The following CCL26 variants were observed in gnomAD, a reference collection of about 807,000 sequenced individuals.
CCL26 encodes the protein C-C motif chemokine ligand 26.
In CCL26, 10 loss-of-function variants were observed where a neutral mutation model predicts 10.7. The ratio of observed to expected loss-of-function variants is 0.93; its 90% CI spans 0.57 to 1.58. The LOEUF (loss-of-function observed/expected upper bound fraction) is 1.58, where lower values mean the gene tolerates loss of function less well. Ranked by LOEUF, CCL26 falls within the 40% of genes most tolerant of loss-of-function variation. The pLI is 0.00. For synonymous variants in CCL26, 43 were observed against 41.4 expected (o/e 1.04, Z -0.15); for missense variants, 116 against 111.0 (o/e 1.05, Z -0.20).
chr7:75,779,882 C>A (rs1239579235), intron 1 of CCL26, among the ~76,000 whole-genome samples: 1 of 152,068 alleles, frequency 6.6e-6, no homozygotes, highest in African/African-American at 2.4e-5. Context: ...TCCTGGAGGG[C>A]AAGCCCCTCC....
intron 1 of CCL26, among the ~76,000 whole-genome samples, chr7:75,785,137 C>T (rs1380917348): frequency 1.3e-5 from 2 of 152,128 alleles, no homozygotes; most frequent in African/African-American, 4.8e-5. Context: ...GTCCTCAATA[C>T]CTTCCTCCAC....
chr7:75,786,647 C>T (rs7790024), intron 1 of CCL26, among the ~76,000 whole-genome samples: 4,731 of 152,250 alleles, frequency 0.031, 94 homozygotes, highest in Middle Eastern at 0.082. Context: ...CTCAGGGCAA[C>T]GCTTATGCTG....
upstream of CCL26, among the ~76,000 whole-genome samples, chr7:75,775,583 C>T (rs1471359605): frequency 2.6e-5 from 4 of 152,040 alleles, no homozygotes; most frequent in African/African-American, 4.8e-5. Context: ...GCTGGCTTAG[C>T]GGGTGGGTCA....
At chr7:75,774,205 T>C (rs1254500084), upstream of CCL26, among the ~76,000 whole-genome samples, 1 of 152,166 alleles carries the variant, frequency 6.6e-6, no homozygotes, top group Non-Finnish European at 1.5e-5. Flanking sequence ...GCTGGAGTGC[T>C]ATGGCACAAT....
At chr7:75,789,355 G>T (rs1424978819) in intron 1 of CCL26, among the ~76,000 whole-genome samples, 2 of 151,768 alleles carry the variant, frequency 1.3e-5, no homozygotes, top group Non-Finnish European at 1.5e-5. Flanking sequence ...ATGTAATATG[G>T]GAGCCATGGC....
intron 1 of CCL26, among the ~76,000 whole-genome samples, chr7:75,779,684 G>C (rs377712262): frequency 5.3e-5 from 8 of 152,232 alleles, no homozygotes; most frequent in African/African-American, 1.9e-4. Context: ...ACGCGGGGAC[G>C]CGTGCCTGAT....
upstream of CCL26, chr7:75,772,222 T>C (rs369306388): frequency 1.4e-6 from 2 of 1,393,744 alleles, no homozygotes; most frequent in African/African-American, 1.4e-5. Context: ...AAACTCCTCC[T>C]GCCTGATCCC....
At chr7:75,783,284 G>C (rs1775410199) in intron 1 of CCL26, among the ~76,000 whole-genome samples, 1 of 152,072 alleles carries the variant, frequency 6.6e-6, no homozygotes, top group South Asian at 2.1e-4. Context: ...CCTCTCCCCA[G>C]ATGAACAGGA....
At chr7:75,774,978 G>C (rs550772309), upstream of CCL26, among the ~76,000 whole-genome samples, 2 of 152,024 alleles carry the variant, frequency 1.3e-5, no homozygotes, top group Non-Finnish European at 2.9e-5. Flanking sequence ...CCAGCACTTT[G>C]GTAGGCTGAT....
At position 75,771,870 on chromosome 7, in the gene CCL26, A is replaced by G; in HGVS notation, c.188+19T>C. 1 of 1,561,542 alleles carries G rather than the reference A, an allele frequency of 6.4e-7. No individual in the cohort carries two copies. Among genetic ancestry groups the G allele is most frequent in the Non-Finnish European group, 8.8e-7 (1 of 1,132,194 alleles). On this transcript the variant is annotated intron_variant, in intron 2 of 2. Transcript: ENST00000005180. ...CATGACTGATGGGGCCCCAGAAAGT[A>G]CGTCCGAGAAATACTCACATCACAG... is the stretch of plus-strand genomic sequence containing the variant.
upstream of CCL26, among the ~76,000 whole-genome samples, chr7:75,772,868 AT>A (rs1802860310): frequency 6.6e-6 from 1 of 152,230 alleles, no homozygotes; most frequent in African/African-American, 2.4e-5. Flanking sequence ...ATTAAGTAAT[AT>A]TCCAGTGAAC....
At chr7:75,772,654 CA>C (rs5884975), upstream of CCL26, among the ~76,000 whole-genome samples, 41 of 120,992 alleles carry the variant, frequency 3.4e-4, no homozygotes, top group Middle Eastern at 4.7e-3. Context: ...GAGACTCTGC[CA>C]AAAAAAAAAA....
upstream of CCL26, among the ~76,000 whole-genome samples, chr7:75,775,113 G>C (rs1031808568): frequency 6.6e-6 from 1 of 151,924 alleles, no homozygotes; most frequent in Non-Finnish European, 1.5e-5. Context: ...CCAGCTACTT[G>C]GGAGGATGAG....
upstream of CCL26, among the ~76,000 whole-genome samples, chr7:75,790,201 T>TTCTTTC (rs1554530630): frequency 4.6e-5 from 5 of 108,826 alleles, no homozygotes; most frequent in Non-Finnish European, 9.7e-5. Flanking sequence ...CTTTCTTTCT[T>TTCTTTC]TCTTTCTTTC....
At chr7:75,778,171 G>A (rs1053893097) in intron 1 of CCL26, among the ~76,000 whole-genome samples, 8 of 152,060 alleles carry the variant, frequency 5.3e-5, no homozygotes, top group African/African-American at 1.7e-4. Flanking sequence ...CAACAGAGTC[G>A]AGGGTTCCCT....
At chr7:75,779,532 C>A (rs1803014308) in intron 1 of CCL26, among the ~76,000 whole-genome samples, 1 of 152,190 alleles carries the variant, frequency 6.6e-6, no homozygotes, top group East Asian at 1.9e-4. Context: ...AATCTTGGCA[C>A]CACCCTTCAA....
upstream of CCL26, among the ~76,000 whole-genome samples, chr7:75,790,203 C>CTTTCTT (rs1343257025): frequency 9.1e-6 from 1 of 110,014 alleles, no homozygotes; most frequent in Non-Finnish European, 1.9e-5. Flanking sequence ...TTCTTTCTTT[C>CTTTCTT]TTTCTTTCTT....
At chr7:75,787,460 T>G (rs782382484) in intron 1 of CCL26, among the ~76,000 whole-genome samples, 1 of 151,498 alleles carries the variant, frequency 6.6e-6, no homozygotes. Context: ...CTGGCTAACA[T>G]GGTGAAACCC....
rs55770109 is a variant in CCL26, at chr7:75,787,651, C to CAAA, written c.-79+2063_-79+2065dup. ...CAGAGTGAGACTCCGTCTCCAAAAG[C>CAAA]AAAAAAAAAAAAAAAAAAAAAAAGA... On this transcript the variant is annotated intron_variant, in intron 1 of 3. Coordinates refer to the CCL26 transcript ENST00000394905. Among the ~76,000 whole-genome samples the CAAA allele has an allele frequency of 8.9e-3, 246 of 27,738 alleles. 10 individuals carry two copies. Among genetic ancestry groups the CAAA allele is most frequent in the East Asian group, 0.026 (17 of 654 alleles). 18.2% of individuals were successfully genotyped at this position (27,738 alleles called of 152,430 possible). A position where few individuals can be genotyped will look rare whatever the true frequency, so the allele number is the denominator to read the frequency against.
Sources: gnomAD v4.1 joint callset for allele counts (sites outside exome capture counted in the v4.1 genomes callset) on GRCh38, gnomAD v4.1.1 for gene constraint, MANE v1.5 for transcripts, NCBI Gene and HGNC (gene_info 2026-07-23, HGNC 2026-07-21) for gene names.